EEPD1: variants seen among roughly 807,000 people sequenced by gnomAD.
The protein encoded by EEPD1 is endonuclease/exonuclease/phosphatase family domain-containing protein 1.
Under a neutral mutation model 46.3 loss-of-function variants are expected in EEPD1, and 17 were observed. That is an observed-to-expected ratio of 0.37 (90% confidence interval 0.25 to 0.55). The LOEUF (loss-of-function observed/expected upper bound fraction) is 0.55, where lower values mean the gene tolerates loss of function less well. Ranked by LOEUF, EEPD1 falls within the 20% of genes least tolerant of loss-of-function variation. EEPD1 has a pLI of 0.83. For missense variants in EEPD1, 673 were observed against 745.6 expected, an observed-to-expected ratio of 0.90 and a Z score of 1.13; for synonymous variants, 313 against 315.6, an observed-to-expected ratio of 0.99 and a Z score of 0.09.
intron 3 of EEPD1, among the ~76,000 whole-genome samples, chr7:36,264,925 A>C (rs919730902): frequency 1.3e-5 from 2 of 150,332 alleles, no homozygotes; most frequent in African/African-American, 2.4e-5. Flanking sequence ...AAAAAAAAAA[A>C]CAAAAATCTG....
At chr7:36,224,496 C>G (rs1255013513) in intron 2 of EEPD1, among the ~76,000 whole-genome samples, 1 of 152,180 alleles carries the variant, frequency 6.6e-6, no homozygotes, top group Non-Finnish European at 1.5e-5. Flanking sequence ...CTTCTGTAGA[C>G]TGAGATGGAG....
chr7:36,203,585 T>C (rs1273863584), intron 2 of EEPD1, among the ~76,000 whole-genome samples: 3 of 152,306 alleles, frequency 2.0e-5, no homozygotes, highest in South Asian at 2.1e-4. Flanking sequence ...AAAGGCTGCC[T>C]TGTGGGAGTG....
intron 2 of EEPD1, among the ~76,000 whole-genome samples, chr7:36,231,439 T>C (rs539061295): frequency 1.2e-4 from 19 of 152,310 alleles, no homozygotes; most frequent in African/African-American, 4.6e-4. Context: ...ATTGCAGTTT[T>C]CATCTGCTTG....
chr7:36,287,745 G>A lies in EEPD1; in HGVS notation c.1283G>A (p.Ser428Asn), dbSNP rs762435425. ...KNHSDGHRLASFAQTLQETLK... is the reference protein window; with the variant it reads ...KNHSDGHRLANFAQTLQETLK... ...CACAGTGATGGCCACCGGTTGGCGA[G>A]CTTTGCACAGACCCTACAGGAAACC... is the stretch of plus-strand genomic sequence containing the variant. Residue 428 changes from serine (S) to asparagine (N), a missense_variant, in exon 6 of 8, where the codon AGC becomes AAC. Coordinates refer to ENST00000242108, the MANE Select transcript of EEPD1 (RefSeq NM_030636.3). 1.2e-6 allele frequency: 2 copies of A among 1,614,158 alleles called. No individual in the cohort carries two copies. The highest frequency in any genetic ancestry group is 2.2e-5 in the South Asian group (2 of 91,088).
chr7:36,237,280 C>T (rs1445117234), intron 2 of EEPD1, among the ~76,000 whole-genome samples: 2 of 152,206 alleles, frequency 1.3e-5, no homozygotes, highest in East Asian at 1.9e-4. Flanking sequence ...CGAGGTTCCA[C>T]GGCTTCATTC....
chr7:36,270,647 T>C (rs1787088683), intron 3 of EEPD1, among the ~76,000 whole-genome samples: 1 of 152,236 alleles, frequency 6.6e-6, no homozygotes, highest in Admixed American at 6.5e-5. Flanking sequence ...CATCCTTTTT[T>C]ATGACTGCAT....
chr7:36,231,856 G>C lies in EEPD1; in HGVS notation c.879-7129G>C, dbSNP rs527474131. On this transcript the variant is annotated intron_variant, in intron 2 of 7. Transcript: ENST00000242108. The stretch of plus-strand genomic sequence containing the variant: ...CATATGTCTGAAATTTCCTCCCAGG[G>C]AGTATCTGATATGCTAGAAGAATCT... Among the ~76,000 whole-genome samples the C allele has an allele frequency of 2.0e-5, 3 of 152,288 alleles. No individual in the cohort carries two copies. The East Asian group carries it at 5.8e-4, about 29-fold the overall frequency.
intron 2 of EEPD1, among the ~76,000 whole-genome samples, chr7:36,227,705 C>T (rs1452641258): frequency 3.9e-5 from 6 of 151,902 alleles, no homozygotes; most frequent in Non-Finnish European, 5.9e-5. Context: ...TTTTTTGTTT[C>T]GAGACGGGAG....
At chr7:36,256,838 G>A (rs568954231) in intron 3 of EEPD1, among the ~76,000 whole-genome samples, 4 of 152,226 alleles carry the variant, frequency 2.6e-5, no homozygotes, top group African/African-American at 9.6e-5. Flanking sequence ...GGTTAATATT[G>A]TTATGTGTGA....
chr7:36,169,327 G>A (rs369964606), intron 2 of EEPD1, among the ~76,000 whole-genome samples: 33 of 152,210 alleles, frequency 2.2e-4, no homozygotes, highest in African/African-American at 7.7e-4. Context: ...TTCCAGGGTG[G>A]CTGCACCATT....
At chr7:36,202,844 C>T (rs1000703713) in intron 2 of EEPD1, among the ~76,000 whole-genome samples, 1 of 152,136 alleles carries the variant, frequency 6.6e-6, no homozygotes, top group Non-Finnish European at 1.5e-5. Flanking sequence ...GGGATTTGAA[C>T]CCAGAATTCT....
intron 2 of EEPD1, among the ~76,000 whole-genome samples, chr7:36,196,216 G>C (rs891261133): frequency 6.6e-6 from 1 of 152,202 alleles, no homozygotes; most frequent in South Asian, 2.1e-4. Flanking sequence ...CAGTGAGTGA[G>C]TGGCGAGTGA....
At chr7:36,201,384 C>T (rs1158068652) in intron 2 of EEPD1, among the ~76,000 whole-genome samples, 1 of 152,150 alleles carries the variant, frequency 6.6e-6, no homozygotes, top group Non-Finnish European at 1.5e-5. Flanking sequence ...TTGGGAGAAG[C>T]TGGGTGAAGA....
chr7:36,211,926 A>C (rs79767474), intron 2 of EEPD1, among the ~76,000 whole-genome samples: 4 of 77,530 alleles, frequency 5.2e-5, no homozygotes, highest in African/African-American at 2.7e-4. Flanking sequence ...ACTCCATCTC[A>C]AAAAAAAAAA....
At chr7:36,265,300 A>G (rs1786996553) in intron 3 of EEPD1, among the ~76,000 whole-genome samples, 1 of 151,936 alleles carries the variant, frequency 6.6e-6, no homozygotes, top group Non-Finnish European at 1.5e-5. Context: ...ACTAGTCTTC[A>G]GTGTTTACAG....
At chr7:36,164,804 A>G (rs1254815446) in intron 2 of EEPD1, among the ~76,000 whole-genome samples, 1 of 152,254 alleles carries the variant, frequency 6.6e-6, no homozygotes, top group Non-Finnish European at 1.5e-5. Flanking sequence ...TCCTGATCCC[A>G]TGTAAGCCTA....
chr7:36,178,600 G>C (rs538198908), intron 2 of EEPD1, among the ~76,000 whole-genome samples: 1 of 152,166 alleles, frequency 6.6e-6, no homozygotes, highest in Admixed American at 6.5e-5. Context: ...TACCAGCATC[G>C]TGTGGCTCTT....
intron 5 of EEPD1, among the ~76,000 whole-genome samples, chr7:36,286,641 C>T (rs190789353): frequency 2.6e-5 from 4 of 152,222 alleles, no homozygotes; most frequent in South Asian, 4.1e-4. Context: ...GGTTTGGACA[C>T]GTTTGAAATT....
intron 2 of EEPD1, among the ~76,000 whole-genome samples, chr7:36,198,083 C>G (rs1422489113): frequency 6.6e-6 from 1 of 151,672 alleles, no homozygotes; most frequent in Non-Finnish European, 1.5e-5. Flanking sequence ...ATTTTTCTTG[C>G]ATTATATCTT....
Sources: allele counts gnomAD v4.1 joint callset (sites outside exome capture counted in the v4.1 genomes callset), GRCh38; gene constraint gnomAD v4.1.1; transcripts MANE v1.5; gene names NCBI Gene and HGNC (gene_info 2026-07-23, HGNC 2026-07-21).